Variants in USE1 observed in about 807,000 individuals in gnomAD.
The protein encoded by USE1 is unconventional SNARE in the ER 1, also known as vesicle transport protein USE1.
Under a neutral mutation model 37.6 loss-of-function variants are expected in USE1, and 32 were observed. The observed-to-expected ratio is 0.85, with a 90% CI of 0.64 to 1.14. USE1 has a LOEUF of 1.14. Ranked by LOEUF, USE1 falls within the 50% of genes most tolerant of loss-of-function variation. The pLI is 0.00. For synonymous variants in USE1, 149 were observed against 137.6 expected (o/e 1.08, Z -0.58); for missense variants, 310 against 332.2 (o/e 0.93, Z 0.52).
chr19:17,215,401 C>T lies in USE1; in HGVS notation c.-5C>T, dbSNP rs1389004759. 1.3e-6 allele frequency: 2 copies of T among 1,555,720 alleles called. No homozygotes were observed. The highest frequency in any genetic ancestry group is 1.7e-6 in the Non-Finnish European group (2 of 1,150,990). On this transcript the variant is annotated 5_prime_UTR_variant, in exon 1 of 8. Coordinates refer to ENST00000263897, the MANE Select transcript of USE1 (RefSeq NM_018467.4). ...GCGGAAGGGGTGGTGTAGGGCCGGG[C>T]GATAATGGCGGCGTCGAGGCTGGAG...
chr19:17,218,886 T>G, intron 6 of USE1: 1 of 181,848 alleles, frequency 5.5e-6, no homozygotes. Context: ...CCCAGCACTT[T>G]GGGAGGCCGA....
chr19:17,218,704 G>A (rs374163550), intron 6 of USE1: 1 of 253,180 alleles, frequency 3.9e-6, no homozygotes, highest in East Asian at 9.4e-5. Context: ...GCATGCGCCT[G>A]TAGTCCCAGC....
intron 5 of USE1, 98 bp downstream of exon 5, chr19:17,217,560 C>A: frequency 2.0e-6 from 3 of 1,510,628 alleles, no homozygotes; most frequent in South Asian, 2.4e-5. Context: ...GACTCCATGC[C>A]CTGACTCCAA....
intron 6 of USE1, chr19:17,218,843 A>AAG (rs2073306731): frequency 6.4e-6 from 1 of 157,372 alleles, no homozygotes; most frequent in African/African-American, 2.7e-5. Flanking sequence ...AAAAAAAAAA[A>AAG]AAAGGTCGGG....
In USE1 at chr19:17,219,329, C is replaced by T. The variant is rs755542705; in HGVS notation, c.539C>T (p.Ala180Val). 4 of 1,599,512 alleles carry T rather than the reference C, an allele frequency of 2.5e-6. No homozygotes were observed. In the South Asian group the frequency reaches 4.5e-5, roughly 18 times the overall value. ...EKLAEEMLGLARSLKTNTLAA... is the reference protein window; with the variant it reads ...EKLAEEMLGLVRSLKTNTLAA... ...CTGGCGGAAGAGATGCTAGGACTGG[C>T]CCGGAGCCTCAAGACCAATACCCTG... is the stretch of plus-strand genomic sequence containing the variant. The change falls in exon 7 of 8, where the codon GCC becomes GTC. Residue 180 changes from alanine to valine, a missense_variant. By Grantham distance (64) the Ala-to-Val change is moderately conservative (BLOSUM62 0). Transcript: ENST00000263897.
chr19:17,217,991 G>A lies in USE1; in HGVS notation c.395-373G>A, dbSNP rs1158808574. 3 of 351,498 alleles carry A rather than the reference G, an allele frequency of 8.5e-6. No homozygotes were observed. In the Admixed American group the frequency reaches 1.3e-4, roughly 15 times the overall value. 21.8% of individuals were successfully genotyped at this position (351,498 alleles called of 1,614,324 possible). A position where few individuals can be genotyped will look rare whatever the true frequency, so the allele number is the denominator to read the frequency against. ...CCAGCATACTTGGGAGGCTGAGGCAGGAGGATTGCTTGAGCCTGGGAGGTA... is the reference window on the plus strand; with the variant it reads ...CCAGCATACTTGGGAGGCTGAGGCAAGAGGATTGCTTGAGCCTGGGAGGTA... On this transcript the variant is annotated intron_variant, in intron 5 of 7. Coordinates refer to ENST00000263897, the MANE Select transcript of USE1 (RefSeq NM_018467.4).
At chr19:17,217,760 A>G in intron 5 of USE1, 1 of 454,122 alleles carries the variant, frequency 2.2e-6, no homozygotes, top group Non-Finnish European at 4.3e-6. Context: ...AAAAATACAA[A>G]ACTTAGCCGG....
rs747247320 is a variant in USE1, at chr19:17,219,393, G to T, written c.597+6G>T. ...TCATCAAGAAGGACAACCAGGTGTG[G>T]GGACTGGGGGAGCTCTCCAGCCTCT... is the stretch of plus-strand genomic sequence containing the variant. On this transcript the variant is annotated splice_donor_region_variant and intron_variant, in intron 7 of 7. Transcript: ENST00000263897. The T allele has an allele frequency of 1.2e-5, 18 of 1,550,638 alleles. No individual in the cohort carries two copies. The South Asian group carries it at 2.0e-4, about 17-fold the overall frequency.
intron 4 of USE1, among the ~76,000 whole-genome samples, chr19:17,216,676 C>G (rs1420994786): frequency 6.6e-6 from 1 of 152,162 alleles, no homozygotes; most frequent in East Asian, 1.9e-4. Flanking sequence ...TCAGCTCAAT[C>G]TTTTAAAATA....
In USE1 at chr19:17,218,231, CAGA is replaced by C. The variant is rs1235855370; in HGVS notation, c.395-130_395-128del. On this transcript the variant is annotated intron_variant, in intron 5 of 7. Transcript: ENST00000263897. ...AGAAGAGGGGGTATTCAAGCATGGT[CAGA>C]AGCCAACGGGGCAGCAGACAAGATG... The C allele has an allele frequency of 2.3e-6, 3 of 1,292,986 alleles. No individual in the cohort carries two copies. The East Asian group carries it at 7.6e-5, about 33-fold the overall frequency. 80.1% of individuals were successfully genotyped at this position (1,292,986 alleles called of 1,614,324 possible).
chr19:17,217,606 C>T, intron 5 of USE1, 144 bp downstream of exon 5: 1 of 1,246,986 alleles, frequency 8.0e-7, no homozygotes, highest in Non-Finnish European at 1.1e-6. Flanking sequence ...GAGGAAGAGC[C>T]AGGACAGAGG....
In USE1 at chr19:17,218,285, C is replaced by A. The variant is rs543098614; in HGVS notation, c.395-79C>A. 1.8e-4 allele frequency: 291 copies of A among 1,592,186 alleles called. 3 individuals carry two copies. The South Asian group carries it at 2.9e-3, about 16-fold the overall frequency. Reference sequence around the variant, plus strand: ...AGGAAACAGCATTCCAAGCAGTAGACCCAGCACAGGCAATGCTCAGGATGC... The same window carrying A: ...AGGAAACAGCATTCCAAGCAGTAGAACCAGCACAGGCAATGCTCAGGATGC... On this transcript the variant is annotated intron_variant, in intron 5 of 7. Coordinates refer to ENST00000263897, the MANE Select transcript of USE1 (RefSeq NM_018467.4).
intron 4 of USE1, 118 bp from the exon 5 acceptor site, chr19:17,217,335 T>G: frequency 8.9e-7 from 1 of 1,125,854 alleles, no homozygotes; most frequent in Non-Finnish European, 1.3e-6. Context: ...GGAATTTCAT[T>G]ATGTTGGCCA....
Position 17,218,168 on chromosome 19 carries a change from G to T in USE1, c.395-196G>T, listed in dbSNP as rs187083270. The T allele has an allele frequency of 1.7e-5, 11 of 649,786 alleles. No homozygotes were observed. In the Admixed American group the frequency reaches 3.3e-4, roughly 19 times the overall value. The allele number at this position is 649,786 out of a possible 1,614,324, so 40.3% of individuals were successfully genotyped here. A position where few individuals can be genotyped will look rare whatever the true frequency, so the allele number is the denominator to read the frequency against. ...GCTAGGCTGGAGGGAGGGACCTGGG[G>T]TCTGAGGGAACCGAGACAGGAGTAA... is the stretch of plus-strand genomic sequence containing the variant. On this transcript the variant is annotated intron_variant, in intron 5 of 7. Transcript: ENST00000263897.
intron 7 of USE1, 49 bp from the exon 8 acceptor site, chr19:17,219,582 G>A: frequency 1.9e-6 from 3 of 1,546,432 alleles, no homozygotes; most frequent in South Asian, 2.4e-5. Context: ...GTAGAGAGAG[G>A]CCATTCTTGG....
At chr19:17,219,427 G>A in intron 7 of USE1, 40 bp downstream of exon 7, 1 of 1,525,380 alleles carries the variant, frequency 6.6e-7, no homozygotes, top group Non-Finnish European at 8.9e-7. Context: ...CTGCCCTGGG[G>A]CATCAGAGAA....
At chr19:17,219,192 T>TC (rs749312563) in intron 6 of USE1, 21 bp from the exon 7 acceptor site, 33 of 1,601,738 alleles carry the variant, frequency 2.1e-5, no homozygotes, top group Non-Finnish European at 2.3e-5. Flanking sequence ...CATGTCCTCC[T>TC]CCCCCCGTGT....
chr19:17,219,656 C>T lies in USE1; in HGVS notation c.623C>T (p.Ala208Val), dbSNP rs755449439. Residue 208 changes from alanine (A) to valine (V), a missense_variant, in exon 8 of 8, where the codon GCG becomes GTG. Physicochemically the swap from Ala to Val is moderately conservative, Grantham distance 64. Transcript: ENST00000263897. ...NQTLSHSLKM[A>V]DQNLEKLKTE... ...ACCCTGTCACACTCACTGAAAATGG[C>T]GGACCAGAACCTGGAGAAACTGAAG... The T allele has an allele frequency of 8.7e-6, 14 of 1,608,090 alleles. No individual in the cohort carries two copies. The highest frequency in any genetic ancestry group is 1.2e-5 in the Non-Finnish European group (14 of 1,175,898).
chr19:17,219,154 GTCT>G (rs2073309191), intron 6 of USE1, 56 bp from the exon 7 acceptor site: 21 of 1,539,486 alleles, frequency 1.4e-5, no homozygotes, highest in Non-Finnish European at 1.8e-5. Context: ...AAATGTGTTG[GTCT>G]TCTCCCCTTT....
Sources: allele counts gnomAD v4.1 joint callset (sites outside exome capture counted in the v4.1 genomes callset), GRCh38; gene constraint gnomAD v4.1.1; transcripts MANE v1.5; gene names NCBI Gene and HGNC (gene_info 2026-07-23, HGNC 2026-07-21).